Variants in SLC4A2 observed in about 807,000 individuals in gnomAD.
SLC4A2 encodes the protein solute carrier family 4 member 2, also known as anion exchange protein 2.
Under a neutral mutation model 115.0 loss-of-function variants are expected in SLC4A2, and 36 were observed. The observed-to-expected ratio is 0.31, with a 90% CI of 0.24 to 0.41. The LOEUF (loss-of-function observed/expected upper bound fraction) is 0.41, where lower values mean the gene tolerates loss of function less well. SLC4A2 is among the 10% of genes least tolerant of loss of function. The probability of loss-of-function intolerance (pLI) is 1.00; values close to 1 mark genes in which losing one functional copy is unlikely to be tolerated. For synonymous variants in SLC4A2, 708 were observed against 708.3 expected (o/e 1.00, Z 0.01); for missense variants, 1,252 against 1,705.6 (o/e 0.73, Z 4.68).
chr7:151,058,781 C>T (rs1008684958), upstream of SLC4A2: 9 of 152,256 alleles, frequency 5.9e-5, no homozygotes, highest in African/African-American at 1.4e-4. Flanking sequence ...TGCCTCACCC[C>T]TTAAAGGAGC....
At position 151,064,709 on chromosome 7, in the gene SLC4A2, C is replaced by G; in HGVS notation, c.401C>G (p.Ala134Gly). 6.2e-7 allele frequency: 1 copy of G among 1,613,036 alleles called. No homozygotes were observed. The highest frequency in any genetic ancestry group is 8.5e-7 in the Non-Finnish European group (1 of 1,179,480). ...GEEDEDEASE[A>G]EGARALTQPS... is the part of the protein sequence containing the mutation. ...GAAGATGAGGATGAGGCCAGCGAGG[C>G]TGAGGGGGCCCGGGCTCTCACTCAG... The change falls in exon 4 of 23, where the codon GCT (alanine) becomes GGT (glycine). Residue 134 changes from alanine to glycine, a missense_variant. Ala to Gly is a moderately conservative substitution (Grantham distance 60). Around this residue, in one of 14 missense-constraint regions of SLC4A2, gnomAD observed 215 missense variants for 205.2 expected, o/e 1.05. Coordinates refer to ENST00000413384, the MANE Select transcript of SLC4A2 (RefSeq NM_003040.4).
rs955499545 is a variant in SLC4A2 at position 151,074,602 on chromosome 7, T to C, written c.2881-73T>C. On this transcript the variant is annotated intron_variant, in intron 18 of 22. Transcript: ENST00000413384. ...CTTAAGCTTAAGCCTGTCCTTAAGA[T>C]GCCATCCCCTTTCCATGGCATGCCC... is the stretch of plus-strand genomic sequence containing the variant. The C allele has an allele frequency of 3.8e-6, 6 of 1,570,294 alleles. No homozygotes were observed. The Middle Eastern group carries it at 6.8e-4, about 178-fold the overall frequency.
At chr7:151,061,469 CG>C (rs1797043936) in intron 1 of SLC4A2, 1 of 155,348 alleles carries the variant, frequency 6.4e-6, no homozygotes, top group South Asian at 2.0e-4. Flanking sequence ...CCCGGCTCCA[CG>C]GGGTGTCTCA....
At chr7:151,070,405 G>T (rs1797391508) in intron 10 of SLC4A2, 52 bp from the exon 11 acceptor site, 2 of 1,611,536 alleles carry the variant, frequency 1.2e-6, no homozygotes, top group Non-Finnish European at 1.7e-6. Flanking sequence ...CCTGGGTGTG[G>T]ACTCAGAGTG....
chr7:151,068,698 T>C (rs1307646317), intron 8 of SLC4A2, among the ~76,000 whole-genome samples: 1 of 151,908 alleles, frequency 6.6e-6, no homozygotes, highest in Non-Finnish European at 1.5e-5. Context: ...TGTTTTATTT[T>C]TAGTAGAGAT....
In SLC4A2 at chr7:151,076,163, T is replaced by C; in HGVS notation, c.3622T>C (p.Phe1208Leu). The change falls in exon 22 of 23, where the codon TTC becomes CTC. Residue 1208 changes from phenylalanine (F) to leucine (L), a missense_variant. Phe to Leu is a conservative substitution (Grantham distance 22, BLOSUM62 0). This residue lies in a region of SLC4A2 where 52 missense variants were observed against 40.6 expected (regional missense o/e 1.28). Transcript: ENST00000413384. The part of the protein sequence containing the change: ...PLRMVVLTRI[F>L]TDREMKCLDA... The stretch of plus-strand genomic sequence containing the variant: ...CCGCATGGTGGTGCTCACCCGTATC[T>C]TCACCGACCGAGAGATGAAATGTGT... 1 of 1,610,902 alleles carries C rather than the reference T, an allele frequency of 6.2e-7. No homozygotes were observed. The highest frequency in any genetic ancestry group is 8.5e-7 in the Non-Finnish European group (1 of 1,179,908).
Position 151,061,941 on chromosome 7 carries a change from G to A in SLC4A2, c.-47G>A, listed in dbSNP as rs927492624. ...CCCATCCAGGTTATGCCTCCGCCTCGTTGCCCTGAAAGCCGCAGCGACAGC... is the reference window on the plus strand; with the variant it reads ...CCCATCCAGGTTATGCCTCCGCCTCATTGCCCTGAAAGCCGCAGCGACAGC... On this transcript the variant is annotated 5_prime_UTR_variant, in exon 2 of 23. Coordinates refer to ENST00000413384, the MANE Select transcript of SLC4A2 (RefSeq NM_003040.4). 3.8e-6 allele frequency: 6 copies of A among 1,588,158 alleles called. No individual in the cohort carries two copies. Among genetic ancestry groups the A allele is most frequent in the African/African-American group, 2.7e-5 (2 of 74,674 alleles).
Position 151,075,258 on chromosome 7 carries a change from C to G in SLC4A2, c.3051C>G (p.Leu1017=), listed in dbSNP as rs1341907444. ...LIFMETQITT[L]IISKKERMLQ... Reference sequence around the variant, plus strand: ...GCAGCACCCCTCCCGCTCTCAGGCTCATCATCTCCAAGAAGGAGCGCATGC... The same window carrying G: ...GCAGCACCCCTCCCGCTCTCAGGCTGATCATCTCCAAGAAGGAGCGCATGC... Residue 1017 remains leucine, a synonymous_variant, in exon 20 of 23, where the codon CTC becomes CTG. Transcript: ENST00000413384. 6.2e-7 allele frequency: 1 copy of G among 1,612,744 alleles called. No homozygotes were observed.
chr7:151,061,770 T>A, intron 1 of SLC4A2, 155 bp from the exon 2 acceptor site: 1 of 561,552 alleles, frequency 1.8e-6, no homozygotes, highest in Non-Finnish European at 3.2e-6. Flanking sequence ...TTCTCTTTTC[T>A]TCCTATAAAT....
Position 151,071,716 on chromosome 7 carries a change from T to C in SLC4A2, c.2219T>C (p.Val740Ala), listed in dbSNP as rs780691035. 2.5e-6 allele frequency: 4 copies of C among 1,610,548 alleles called. No individual in the cohort carries two copies. In the East Asian group the frequency reaches 8.9e-5, roughly 36 times the overall value. ...LGEKTQDLIG[V>A]SELIMSTALQ... Reference sequence around the variant, plus strand: ...GAGAAGACGCAGGACCTGATAGGGGTGTCGGAGCTGATTATGTCCACAGCG... The same window carrying C: ...GAGAAGACGCAGGACCTGATAGGGGCGTCGGAGCTGATTATGTCCACAGCG... Residue 740 changes from valine (V) to alanine (A), a missense_variant, in exon 15 of 23, where the codon GTG (valine) becomes GCG (alanine). Coordinates refer to ENST00000413384, the MANE Select transcript of SLC4A2 (RefSeq NM_003040.4). This position sits in a 1 kb window ranked among gnomAD's most constrained non-coding sequence, Gnocchi z 5.5.
intron 2 of SLC4A2, chr7:151,063,098 C>T (rs913528742): frequency 7.4e-5 from 113 of 1,519,858 alleles, no homozygotes; most frequent in East Asian, 2.1e-4. Flanking sequence ...GGCCAGGCGG[C>T]TGCCGCTTAG....
intron 2 of SLC4A2, chr7:151,062,610 C>A: frequency 1.3e-6 from 2 of 1,511,516 alleles, no homozygotes; most frequent in Admixed American, 2.1e-5. Context: ...GGTCCCCTCC[C>A]CCTCCTTCTC....
At chr7:151,072,703 T>C (rs1486330884) in intron 16 of SLC4A2, among the ~76,000 whole-genome samples, 2 of 151,610 alleles carry the variant, frequency 1.3e-5, no homozygotes, top group African/African-American at 4.9e-5. Flanking sequence ...TCACCCAGGC[T>C]GGAGTGCAGT....
At chr7:151,065,707 C>T (rs1797204955) in intron 5 of SLC4A2, among the ~76,000 whole-genome samples, 1 of 152,204 alleles carries the variant, frequency 6.6e-6, no homozygotes, top group African/African-American at 2.4e-5. Context: ...CGGCGGGTTA[C>T]AGCGGCCTTA....
At chr7:151,061,261 C>T (rs1249592189) in intron 1 of SLC4A2, 1 of 151,834 alleles carries the variant, frequency 6.6e-6, no homozygotes, top group African/African-American at 2.4e-5. Context: ...GCCTTCCTCT[C>T]TCTCAGTGAG....
chr7:151,063,180 G>T, intron 2 of SLC4A2: 2 of 875,978 alleles, frequency 2.3e-6, no homozygotes, highest in Non-Finnish European at 1.6e-6. Context: ...GCGCCCGCAG[G>T]ATGACTCAGG....
chr7:151,064,581 G>A lies in SLC4A2; in HGVS notation c.273G>A (p.Pro91=). 1 of 1,612,706 alleles carries A rather than the reference G, an allele frequency of 6.2e-7. No homozygotes were observed. The highest frequency in any genetic ancestry group is 8.5e-7 in the Non-Finnish European group (1 of 1,179,962). Residue 91 remains proline (P), a synonymous_variant, in exon 4 of 23, where the codon CCG becomes CCA. Coordinates refer to ENST00000413384, the MANE Select transcript of SLC4A2 (RefSeq NM_003040.4). ...ACCCACTGTCCACCCACCTGCCTCC[G>A]GATGCACGCCGCCGCAAGACACCCC... ...IHHPLSTHLP[P]DARRRKTPQG...
intron 8 of SLC4A2, among the ~76,000 whole-genome samples, chr7:151,068,258 CGAAAAT>C (rs1408395237): frequency 6.6e-6 from 1 of 152,182 alleles, no homozygotes; most frequent in African/African-American, 2.4e-5. Flanking sequence ...GTTTTGGTTG[CGAAAAT>C]GTTCGAGAAG....
chr7:151,075,703 C>T lies in SLC4A2; in HGVS notation c.3399C>T (p.Ile1133=), dbSNP rs746987078. 5.0e-6 allele frequency: 8 copies of T among 1,612,250 alleles called. No homozygotes were observed. The African/African-American group carries it at 9.3e-5, about 19-fold the overall frequency. Residue 1133 remains isoleucine, a synonymous_variant, in exon 21 of 23, where the codon ATC becomes ATT. Transcript: ENST00000413384. ...LYMGVTSLNG[I]QFYERLHLLL... ...TGGGAGTCACCTCCCTTAACGGGAT[C>T]CAGTTCTATGAGCGGCTGCATCTGC...
Sources: gnomAD v4.1 joint callset for allele counts (sites outside exome capture counted in the v4.1 genomes callset) on GRCh38, gnomAD v4.1.1 for gene constraint, gnomAD v4.1.1 regional missense constraint, Gnocchi (gnomAD v3.1) non-coding constraint, MANE v1.5 for transcripts, NCBI Gene and HGNC (gene_info 2026-07-23, HGNC 2026-07-21) for gene names.